Variants in GLG1 observed in about 807,000 individuals in gnomAD.
GLG1 encodes golgi glycoprotein 1.
GLG1 carries 38 observed loss-of-function variants against 160.5 expected under a neutral mutation model. The observed-to-expected ratio is 0.24, with a 90% CI of 0.18 to 0.31. The LOEUF is 0.31. GLG1 is among the 10% of genes least tolerant of loss of function. GLG1 has a pLI of 1.00. For missense variants in GLG1, 1,373 were observed against 1,505.2 expected (o/e 0.91, Z 1.45); for synonymous variants, 644 against 543.4 (o/e 1.19, Z -2.57).
intron 2 of GLG1, among the ~76,000 whole-genome samples, chr16:74,517,536 G>A (rs987702185): frequency 7.9e-5 from 12 of 152,144 alleles, no homozygotes; most frequent in African/African-American, 2.9e-4. Context: ...ACTCGGTATC[G>A]ATGGAACATA....
chr16:74,462,288 C>T, intron 21 of GLG1, 93 bp from the exon 22 acceptor site: 2 of 816,502 alleles, frequency 2.4e-6, no homozygotes, highest in South Asian at 1.6e-5. Flanking sequence ...ACAACAACAA[C>T]CACAAGAACA....
At chr16:74,508,788 A>C (rs2016702847) in intron 3 of GLG1, 51 bp downstream of exon 3, 2 of 787,470 alleles carry the variant, frequency 2.5e-6, no homozygotes, top group Non-Finnish European at 4.6e-6. Context: ...CTGGTCTGGT[A>C]ATTTTCTCCT....
intron 3 of GLG1, among the ~76,000 whole-genome samples, chr16:74,504,825 C>T (rs1161493415): frequency 6.6e-6 from 1 of 152,124 alleles, no homozygotes; most frequent in African/African-American, 2.4e-5. Flanking sequence ...TGGTGGTGTT[C>T]CTGCAAAGTG....
chr16:74,491,749 T>C (rs1196575535), intron 7 of GLG1, among the ~76,000 whole-genome samples: 16 of 148,870 alleles, frequency 1.1e-4, no homozygotes, highest in Middle Eastern at 3.3e-3. Flanking sequence ...GCCATTCTCC[T>C]GCCTCAGCCT....
intron 2 of GLG1, among the ~76,000 whole-genome samples, chr16:74,517,769 TG>T (rs2017028346): frequency 1.3e-5 from 2 of 152,180 alleles, no homozygotes; most frequent in South Asian, 4.1e-4. Flanking sequence ...TGTCCCTCTT[TG>T]TAGATGACAT....
At chr16:74,462,995 G>A (rs2014861480) in intron 20 of GLG1, 1 of 410,270 alleles carries the variant, frequency 2.4e-6, no homozygotes, top group East Asian at 4.9e-5. Context: ...ATTAACTTAC[G>A]AGGTCTTCCA....
chr16:74,531,057 T>C (rs1056715362), intron 2 of GLG1, among the ~76,000 whole-genome samples: 3 of 152,234 alleles, frequency 2.0e-5, no homozygotes, highest in African/African-American at 7.2e-5. Flanking sequence ...TAATCAGATA[T>C]AGATGCAGAT....
rs114865178 is a variant in GLG1 at position 74,476,720 on chromosome 16, G to C, written c.1965+676C>G. ...TAAGGAGCCAATCACAGCACTCAGG[G>C]AATTTTTGGGGGCTGCTCCTTCCCT... On this transcript the variant is annotated intron_variant, in intron 12 of 25. Coordinates refer to ENST00000422840, the MANE Select transcript of GLG1 (RefSeq NM_001145667.2). Among the ~76,000 whole-genome samples the C allele has an allele frequency of 8.0e-3, 1,224 of 152,220 alleles. 14 individuals are homozygous for C. Among genetic ancestry groups the C allele is most frequent in the African/African-American group, 0.028 (1,166 of 41,524 alleles).
chr16:74,557,651 G>C (rs926275625), intron 1 of GLG1, among the ~76,000 whole-genome samples: 1 of 152,182 alleles, frequency 6.6e-6, no homozygotes, highest in African/African-American at 2.4e-5. Context: ...GGAGGCTAAA[G>C]AACATGGTCA....
At chr16:74,470,265 T>TTCCC (rs1363137391) in intron 15 of GLG1, among the ~76,000 whole-genome samples, 192 bp from the exon 16 acceptor site, 6 of 150,836 alleles carry the variant, frequency 4.0e-5, no homozygotes, top group Non-Finnish European at 5.9e-5. Flanking sequence ...CCTTCCTTCC[T>TTCCC]TCCCTCCCTC....
intron 1 of GLG1, among the ~76,000 whole-genome samples, chr16:74,534,343 T>C (rs906615147): frequency 2.0e-5 from 3 of 151,084 alleles, no homozygotes; most frequent in Non-Finnish European, 4.4e-5. Context: ...TTTTCTACAC[T>C]ATCCTTTTAA....
At position 74,491,167 on chromosome 16, in the gene GLG1, C is replaced by T. The variant is rs764599334; in HGVS notation, c.1283G>A (p.Arg428His). ...ECQGEMLDYR[R>H]MLMEDFSLSP... ...CAGAGAAAAGTCTTCCATCAACATG[C>T]GTCGGTAATCCAGCATCTCCCCCTG... The change falls in exon 8 of 26, where the codon CGC becomes CAC. Residue 428 changes from arginine to histidine, a missense_variant. Arg to His is a conservative substitution (Grantham distance 29). This residue lies in a region of GLG1 where 386 missense variants were observed against 388.5 expected (regional missense o/e 0.99). Transcript: ENST00000422840. The T allele has an allele frequency of 9.3e-6, 15 of 1,614,002 alleles. No homozygotes were observed. Among genetic ancestry groups the T allele is most frequent in the African/African-American group, 1.3e-5 (1 of 74,914 alleles).
chr16:74,547,890 CA>C (rs2018092810), intron 1 of GLG1, among the ~76,000 whole-genome samples: 1 of 152,158 alleles, frequency 6.6e-6, no homozygotes, highest in South Asian at 2.1e-4. Flanking sequence ...TGGCTTAAAA[CA>C]GTATTTTCAG....
rs1279039755 is a variant in GLG1 at position 74,451,487 on chromosome 16, T to A, written c.*1680A>T. On this transcript the variant is annotated 3_prime_UTR_variant, in exon 26 of 26. Transcript: ENST00000422840. ...CAACTGATCCACAAACTGACACGCCTTGTACTGAACACCCTTCAGGGAAGA... is the reference window on the plus strand; with the variant it reads ...CAACTGATCCACAAACTGACACGCCATGTACTGAACACCCTTCAGGGAAGA... 5 of 152,708 alleles carry A rather than the reference T, an allele frequency of 3.3e-5. No homozygotes were observed. Among genetic ancestry groups the A allele is most frequent in the Non-Finnish European group, 5.8e-5 (4 of 68,410 alleles). 9.5% of individuals were successfully genotyped at this position (152,708 alleles called of 1,614,324 possible).
intron 1 of GLG1, among the ~76,000 whole-genome samples, chr16:74,539,465 G>A (rs2017774272): frequency 6.7e-6 from 1 of 148,514 alleles, no homozygotes; most frequent in Non-Finnish European, 1.5e-5. Flanking sequence ...CCTTTAAAAT[G>A]AAAAATCTCC....
At position 74,496,441 on chromosome 16, in the gene GLG1, A is replaced by G; in HGVS notation, c.978T>C (p.Asn326=). The change falls in exon 5 of 26, where the codon AAT becomes AAC. Residue 326 remains asparagine, a splice_region_variant and synonymous_variant. Transcript: ENST00000422840. ...CRDDRERFCE[N]TQAGEGRVYK... Reference sequence around the variant, plus strand: ...AAGAACAGTTTCTGAGCTGACTCACATTTTCACAAAAACGCTCCCGATCAT... The same window carrying G: ...AAGAACAGTTTCTGAGCTGACTCACGTTTTCACAAAAACGCTCCCGATCAT... The G allele has an allele frequency of 6.2e-7, 1 of 1,606,006 alleles. No homozygotes were observed.
At chr16:74,596,789 A>G (rs574859156) in intron 1 of GLG1, among the ~76,000 whole-genome samples, 1 of 152,166 alleles carries the variant, frequency 6.6e-6, no homozygotes, top group Non-Finnish European at 1.5e-5. Flanking sequence ...CCCTGAGGCA[A>G]GCTATTTAGA....
chr16:74,466,478 C>A (rs1019573), intron 18 of GLG1, among the ~76,000 whole-genome samples: 1 of 151,946 alleles, frequency 6.6e-6, no homozygotes, highest in Non-Finnish European at 1.5e-5. Flanking sequence ...CTGGGGCTAT[C>A]GCAGGAAGCC....
rs189958269 is a variant in GLG1 at position 74,452,281 on chromosome 16, G to A, written c.*886C>T. On this transcript the variant is annotated 3_prime_UTR_variant, in exon 26 of 26. Coordinates refer to ENST00000422840, the MANE Select transcript of GLG1 (RefSeq NM_001145667.2). ...GAGTGACTGTAGCCTCAGCAGGGCC[G>A]GTCCAGACATGGCTGAGTCCTGTGC... 2,357 of 1,463,226 alleles carry A rather than the reference G, an allele frequency of 1.6e-3. 38 individuals carry two copies. In the South Asian group the frequency reaches 0.021, roughly 13 times the overall value. 90.6% of individuals were successfully genotyped at this position (1,463,226 alleles called of 1,614,324 possible).
Sources: allele counts gnomAD v4.1 joint callset (sites outside exome capture counted in the v4.1 genomes callset), GRCh38; gene constraint gnomAD v4.1.1; regional missense constraint gnomAD v4.1.1; transcripts MANE v1.5; gene names NCBI Gene and HGNC (gene_info 2026-07-23, HGNC 2026-07-21).